Variants in MYO1C observed in about 807,000 individuals in gnomAD.
The protein encoded by MYO1C is unconventional myosin-Ic.
A neutral mutation model predicts 150.8 loss-of-function variants in MYO1C; 104 were observed. The observed-to-expected ratio is 0.69, with a 90% confidence interval of 0.59 to 0.81. The LOEUF is 0.81. Among genes scored for constraint, MYO1C ranks in the 30% least tolerant of loss-of-function variants. The pLI, the probability that MYO1C is intolerant of heterozygous loss-of-function variation, is 0.00. For missense variants in MYO1C, 1,504 were observed against 1,435.0 expected, an observed-to-expected ratio of 1.05 and a Z score of -0.78; for synonymous variants, 663 against 579.9, an observed-to-expected ratio of 1.14 and a Z score of -2.06.
At position 1,470,415 on chromosome 17, in the gene MYO1C, C is replaced by A; in HGVS notation, c.2366+20G>T. ...CCCACGCCCTGCTCTGCAGCCCCCA[C>A]AAGGCACCCTGGCGCTCACCGCCGG... On this transcript the variant is annotated intron_variant, in intron 23 of 31. Coordinates refer to ENST00000648651, the MANE Select transcript of MYO1C (RefSeq NM_001080779.2). 6 of 1,550,142 alleles carry A rather than the reference C, an allele frequency of 3.9e-6. No homozygotes were observed. Among genetic ancestry groups the A allele is most frequent in the Non-Finnish European group, 5.2e-6 (6 of 1,146,964 alleles).
intron 1 of MYO1C, among the ~76,000 whole-genome samples, chr17:1,486,674 C>T (rs2074662595): frequency 6.6e-6 from 1 of 152,220 alleles, no homozygotes; most frequent in Non-Finnish European, 1.5e-5. Flanking sequence ...CGCCACCACA[C>T]TCGGCTAATT....
In MYO1C at chr17:1,471,161, A is replaced by G. The variant is rs753302057; in HGVS notation, c.2136-14T>C. On this transcript the variant is annotated splice_polypyrimidine_tract_variant and intron_variant, in intron 20 of 31. Transcript: ENST00000648651. ...AAGATCTTGGTCCTGGGAGAGCAGT[A>G]GTGATCAGCCCGGGGTTGCCACTCC... 1.9e-6 allele frequency: 3 copies of G among 1,614,088 alleles called. No homozygotes were observed. Among genetic ancestry groups the G allele is most frequent in the South Asian group, 2.2e-5 (2 of 91,082 alleles).
In MYO1C at chr17:1,478,526, C is replaced by A. The variant is rs1365770795; in HGVS notation, c.1213-34G>T. On this transcript the variant is annotated intron_variant, in intron 10 of 31. Coordinates refer to ENST00000648651, the MANE Select transcript of MYO1C (RefSeq NM_001080779.2). The surrounding 1 kb of genome is among the most constrained non-coding windows in gnomAD (Gnocchi z 6.3). Reference sequence around the variant, plus strand: ...GTCATTCAACCGAAGGCGTGGGCCCCCTGCGCGTGCCAGCCCCACCCTGCA... The same window carrying A: ...GTCATTCAACCGAAGGCGTGGGCCCACTGCGCGTGCCAGCCCCACCCTGCA... 6.2e-7 allele frequency: 1 copy of A among 1,613,826 alleles called. No homozygotes were observed. Among genetic ancestry groups the A allele is most frequent in the Admixed American group, 1.7e-5 (1 of 60,022 alleles).
chr17:1,486,325 C>G (rs961913478), intron 1 of MYO1C: 1 of 152,224 alleles, frequency 6.6e-6, no homozygotes, highest in African/African-American at 2.4e-5. Flanking sequence ...ACGGAGCTCG[C>G]GCCCCAGGGA....
At position 1,465,678 on chromosome 17, in the gene MYO1C, G is replaced by T; in HGVS notation, c.*48C>A. ...CTTTGGTAACTGGGAAGGGGAGGAG[G>T]AGAAAAGCAAAGCATTGGGCGTTGG... On this transcript the variant is annotated 3_prime_UTR_variant, in exon 32 of 32. Transcript: ENST00000648651. 7.5e-7 allele frequency: 1 copy of T among 1,328,800 alleles called. No homozygotes were observed. The highest frequency in any genetic ancestry group is 2.6e-5 in the South Asian group (1 of 38,874). 82.3% of individuals were successfully genotyped at this position (1,328,800 alleles called of 1,614,324 possible).
chr17:1,482,367 G>T, intron 5 of MYO1C, 111 bp downstream of exon 5: 1 of 1,011,206 alleles, frequency 9.9e-7, no homozygotes, highest in Non-Finnish European at 1.6e-6. Flanking sequence ...TGTTTGCTTT[G>T]TTTGACTGCT....
chr17:1,477,287 C>G, intron 14 of MYO1C: 1 of 585,466 alleles, frequency 1.7e-6, no homozygotes, highest in Non-Finnish European at 3.1e-6. Context: ...TCAAGTGATG[C>G]TCTTGCCCCA....
At chr17:1,473,057 G>A (rs977239805) in intron 17 of MYO1C, among the ~76,000 whole-genome samples, 25 of 152,300 alleles carry the variant, frequency 1.6e-4, no homozygotes, top group Admixed American at 1.6e-3. Flanking sequence ...AAAATTAGCC[G>A]GGCACGATGG....
At chr17:1,468,556 A>G in intron 25 of MYO1C, 60 bp from the exon 26 acceptor site, 1 of 1,409,182 alleles carries the variant, frequency 7.1e-7, no homozygotes, top group Non-Finnish European at 1.0e-6. Context: ...TTGGGGGGGC[A>G]GAGCCAGCCT....
At chr17:1,469,327 A>G (rs1035512465) in intron 25 of MYO1C, 16 of 555,276 alleles carry the variant, frequency 2.9e-5, no homozygotes, top group Admixed American at 2.4e-5. Flanking sequence ...GTAGACCGAG[A>G]TAAATACGGT....
At chr17:1,484,040 CAAA>C (rs375403851) in intron 2 of MYO1C, 105 bp downstream of exon 2, 330 of 1,176,674 alleles carry the variant, frequency 2.8e-4, no homozygotes, top group Non-Finnish European at 3.2e-4. Flanking sequence ...GAAACTGTCT[CAAA>C]AAAAAAAAAA....
intron 1 of MYO1C, chr17:1,484,518 G>A: frequency 1.6e-6 from 1 of 627,830 alleles, no homozygotes; most frequent in Non-Finnish European, 2.8e-6. Flanking sequence ...CCGGGTCCCA[G>A]TGTGGCAGCA....
intron 14 of MYO1C, among the ~76,000 whole-genome samples, chr17:1,476,387 G>C (rs548611964): frequency 7.9e-5 from 12 of 152,290 alleles, no homozygotes; most frequent in African/African-American, 2.9e-4. Flanking sequence ...TGGCCAGGCT[G>C]GTCTTGAATT....
At chr17:1,483,999 G>A (rs1001163819) in intron 2 of MYO1C, 149 bp downstream of exon 2, 32 of 1,004,074 alleles carry the variant, frequency 3.2e-5, no homozygotes, top group East Asian at 5.2e-5. Flanking sequence ...CTGAGATCGC[G>A]CCACTGCACT....
intron 1 of MYO1C, chr17:1,485,766 CGGCGGCGGT>C (rs1037005928): frequency 1.9e-5 from 20 of 1,049,172 alleles, no homozygotes; most frequent in South Asian, 4.4e-5. Flanking sequence ...GTCCCGGGCT[CGGCGGCGGT>C]GGCGGCGGCG....
intron 20 of MYO1C, 25 bp from the exon 21 acceptor site, chr17:1,471,172 C>A: frequency 6.2e-7 from 1 of 1,613,922 alleles, no homozygotes; most frequent in Non-Finnish European, 8.5e-7. Flanking sequence ...GTGATCAGCC[C>A]GGGGTTGCCA....
In MYO1C at chr17:1,466,627, C is replaced by CT. The variant is rs35026657; in HGVS notation, c.3165+614dup. Among the ~76,000 whole-genome samples the CT allele has an allele frequency of 2.1e-3, 275 of 132,686 alleles. 1 individual carries two copies. The highest frequency in any genetic ancestry group is 6.0e-3 in the African/African-American group (212 of 35,176). 87.0% of individuals were successfully genotyped at this position (132,686 alleles called of 152,430 possible). A position where few individuals can be genotyped will look rare whatever the true frequency, so the allele number is the denominator to read the frequency against. ...ACAGGCGTGAGCCACTGTGCCTGGC[C>CT]TTTTTTTTTTTTTTTGAGATGACAT... On this transcript the variant is annotated intron_variant, in intron 31 of 31. Coordinates refer to ENST00000648651, the MANE Select transcript of MYO1C (RefSeq NM_001080779.2).
intron 19 of MYO1C, 29 bp downstream of exon 19, chr17:1,471,878 C>T (rs45533237): frequency 6.2e-7 from 1 of 1,607,864 alleles, no homozygotes; most frequent in South Asian, 1.1e-5. Context: ...CGCTCCCCTT[C>T]CCTGGCACCG....
At position 1,472,131 on chromosome 17, in the gene MYO1C, T is replaced by G; in HGVS notation, c.1895A>C (p.Lys632Thr). The G allele has an allele frequency of 6.2e-7, 1 of 1,614,084 alleles. No individual in the cohort carries two copies. Among genetic ancestry groups the G allele is most frequent in the Non-Finnish European group, 8.5e-7 (1 of 1,179,958 alleles). ...YVRCIKPNDAKQPGRFDEVLI... is the reference protein window; with the variant it reads ...YVRCIKPNDATQPGRFDEVLI... ...CCGTGGGAGGGGCCTACCGGGCTGT[T>G]TGGCATCATTGGGTTTGATGCAGCG... The change falls in exon 18 of 32, where the codon AAA (lysine) becomes ACA (threonine). Residue 632 changes from lysine (K) to threonine (T), a missense_variant. Physicochemically the swap from Lys to Thr is moderately conservative, Grantham distance 78. Coordinates refer to ENST00000648651, the MANE Select transcript of MYO1C (RefSeq NM_001080779.2).
Sources: gnomAD v4.1 joint callset for allele counts (sites outside exome capture counted in the v4.1 genomes callset) on GRCh38, gnomAD v4.1.1 for gene constraint, Gnocchi (gnomAD v3.1) non-coding constraint, MANE v1.5 for transcripts, NCBI Gene and HGNC (gene_info 2026-07-23, HGNC 2026-07-21) for gene names.